The following VEGFC variants were observed in gnomAD, a reference collection of about 807,000 sequenced individuals.
VEGFC encodes vascular endothelial growth factor C, also known as FLT4 ligand DHM.
A neutral mutation model predicts 46.1 loss-of-function variants in VEGFC; 12 were observed. The observed-to-expected ratio is 0.26, with a 90% confidence interval of 0.17 to 0.42. VEGFC has a LOEUF of 0.42. VEGFC is among the 10% of genes least tolerant of loss of function. The pLI is 1.00. For missense variants in VEGFC, 488 were observed against 529.4 expected (o/e 0.92, Z 0.77); for synonymous variants, 232 against 195.5 (o/e 1.19, Z -1.56).
intron 3 of VEGFC, among the ~76,000 whole-genome samples, chr4:176,719,627 C>A (rs1158665304): frequency 6.6e-6 from 1 of 152,170 alleles, no homozygotes; most frequent in Non-Finnish European, 1.5e-5. Context: ...ATGTTGATTT[C>A]GCTTGCTAAT....
intron 4 of VEGFC, among the ~76,000 whole-genome samples, chr4:176,698,146 A>AAATAAT (rs972178905): frequency 6.7e-6 from 1 of 150,232 alleles, no homozygotes; most frequent in Non-Finnish European, 1.5e-5. Context: ...ATAAAAATAA[A>AAATAAT]AATAATAATA....
intron 1 of VEGFC, among the ~76,000 whole-genome samples, chr4:176,789,171 C>G (rs1248868029): frequency 1.3e-5 from 2 of 152,194 alleles, no homozygotes; most frequent in Non-Finnish European, 2.9e-5. Context: ...ATGGAGATAA[C>G]TAGGAGGCCA....
In VEGFC at chr4:176,744,864, T is replaced by C. The variant is rs74400324; in HGVS notation, c.148-15118A>G. Among the ~76,000 whole-genome samples, 351 of 152,206 alleles carry C rather than the reference T, an allele frequency of 2.3e-3. 12 individuals are homozygous for C. The East Asian group carries it at 0.056, about 24-fold the overall frequency. ...AGACTGACTCAAGCCCATATGCTTA[T>C]GATTTTTGCACTAATTACAAAGCCT... On this transcript the variant is annotated intron_variant, in intron 1 of 6. Coordinates refer to ENST00000618562, the MANE Select transcript of VEGFC (RefSeq NM_005429.5).
At chr4:176,738,675 T>C (rs1735096129) in intron 1 of VEGFC, among the ~76,000 whole-genome samples, 2 of 152,126 alleles carry the variant, frequency 1.3e-5, no homozygotes, top group East Asian at 1.9e-4. Context: ...CCAAAAGCGA[T>C]TGCAACAAAA....
rs1435159134 is a variant in VEGFC, at chr4:176,751,790, G to A, written c.148-22044C>T. ...TCAGAATATTGGTTAACTTGGTGGA[G>A]GAAGGGGAATGAGATTTCTGAAGGC... is the stretch of plus-strand genomic sequence containing the variant. On this transcript the variant is annotated intron_variant, in intron 1 of 6. Coordinates refer to ENST00000618562, the MANE Select transcript of VEGFC (RefSeq NM_005429.5). 1.3e-5 allele frequency among the ~76,000 whole-genome samples: 2 copies of A among 151,912 alleles called. 1 individual carries two copies. Among genetic ancestry groups the A allele is most frequent in the African/African-American group, 4.8e-5 (2 of 41,406 alleles).
intron 4 of VEGFC, among the ~76,000 whole-genome samples, chr4:176,689,061 T>C (rs1035261342): frequency 6.6e-6 from 1 of 152,210 alleles, no homozygotes; most frequent in African/African-American, 2.4e-5. Context: ...ATTTACAGGA[T>C]ATATATCAAC....
At chr4:176,728,146 G>C (rs1734904093) in intron 2 of VEGFC, among the ~76,000 whole-genome samples, 178 bp from the exon 3 acceptor site, 1 of 152,252 alleles carries the variant, frequency 6.6e-6, no homozygotes, top group South Asian at 2.1e-4. Context: ...ATATAACATT[G>C]AAAAGACAAG....
chr4:176,741,434 G>A (rs1421399483), intron 1 of VEGFC, among the ~76,000 whole-genome samples: 5 of 151,844 alleles, frequency 3.3e-5, no homozygotes, highest in Non-Finnish European at 7.4e-5. Flanking sequence ...CACTTAGGGG[G>A]TTGATTTATC....
Position 176,727,924 on chromosome 4 carries a change from C to T in VEGFC, c.406G>A (p.Val136Met), listed in dbSNP as rs1174327582. 1.2e-6 allele frequency: 2 copies of T among 1,613,134 alleles called. No homozygotes were observed. Among genetic ancestry groups the T allele is most frequent in the Admixed American group, 1.7e-5 (1 of 59,918 alleles). Residue 136 changes from valine (V) to methionine (M), a missense_variant, in exon 3 of 7, where the codon GTG becomes ATG. Val to Met is a conservative substitution (Grantham distance 21). Transcript: ENST00000618562. Reference sequence around the variant, plus strand: ...AACTCCTTCCCCACATCTATACACACCTCCCGTGGCATGCATTGAGTCTTT... The same window carrying T: ...AACTCCTTCCCCACATCTATACACATCTCCCGTGGCATGCATTGAGTCTTT... ...WRKTQCMPREVCIDVGKEFGV... is the reference protein window; with the variant it reads ...WRKTQCMPREMCIDVGKEFGV...
At chr4:176,765,409 G>C (rs1321878320) in intron 1 of VEGFC, among the ~76,000 whole-genome samples, 1 of 152,026 alleles carries the variant, frequency 6.6e-6, no homozygotes, top group Non-Finnish European at 1.5e-5. Flanking sequence ...TAAAGAAGTA[G>C]TTTTCTAGGA....
chr4:176,687,052 AT>A (rs1365658012), intron 6 of VEGFC, 134 bp downstream of exon 6: 10 of 1,026,074 alleles, frequency 9.7e-6, no homozygotes, highest in Admixed American at 2.7e-5. Context: ...GGTTAAAAAA[AT>A]ATAAGATTTT....
intron 1 of VEGFC, among the ~76,000 whole-genome samples, chr4:176,779,723 A>G (rs1235133716): frequency 3.2e-5 from 2 of 63,096 alleles, no homozygotes; most frequent in African/African-American, 5.3e-5. Context: ...TCAGTGCGAA[A>G]GCAAAGCCCC....
chr4:176,715,834 T>C (rs551337903), intron 3 of VEGFC, among the ~76,000 whole-genome samples: 21 of 152,158 alleles, frequency 1.4e-4, no homozygotes, highest in Non-Finnish European at 1.5e-5. Flanking sequence ...CCAAAATAAA[T>C]ACATAACATT....
At chr4:176,723,822 T>C (rs1366542440) in intron 3 of VEGFC, among the ~76,000 whole-genome samples, 3 of 148,656 alleles carry the variant, frequency 2.0e-5, no homozygotes, top group East Asian at 2.0e-4. Flanking sequence ...ACATAAACTT[T>C]TATTTTAGGT....
intron 1 of VEGFC, among the ~76,000 whole-genome samples, chr4:176,779,429 T>C (rs1735869916): frequency 1.3e-5 from 2 of 152,164 alleles, no homozygotes; most frequent in Admixed American, 1.3e-4. Context: ...TTTAAAATGT[T>C]TTAATTGCAA....
intron 1 of VEGFC, among the ~76,000 whole-genome samples, chr4:176,761,796 T>G (rs1736126720): frequency 6.6e-6 from 1 of 152,134 alleles, no homozygotes; most frequent in South Asian, 2.1e-4. Flanking sequence ...AAGGAAGTGC[T>G]TTCAGGCAGA....
In VEGFC at chr4:176,747,392, A is replaced by T. The variant is rs530423562; in HGVS notation, c.148-17646T>A. Among the ~76,000 whole-genome samples the T allele has an allele frequency of 8.5e-5, 13 of 152,090 alleles. No homozygotes were observed. The Middle Eastern group carries it at 0.017, about 200-fold the overall frequency. On this transcript the variant is annotated intron_variant, in intron 1 of 6. Coordinates refer to ENST00000618562, the MANE Select transcript of VEGFC (RefSeq NM_005429.5). ...AATTAGATAAAAACAAATCCCTTTT[A>T]AAAAAAAGAAATAGCACAGTCTTTA... is the stretch of plus-strand genomic sequence containing the variant.
At chr4:176,729,844 G>A (rs145169482) in intron 1 of VEGFC, 98 bp from the exon 2 acceptor site, 297 of 728,636 alleles carry the variant, frequency 4.1e-4, no homozygotes, top group African/African-American at 3.9e-3. Context: ...TCTATGCTCC[G>A]TTCCCTAACA....
chr4:176,723,645 A>G (rs1012553719), intron 3 of VEGFC, among the ~76,000 whole-genome samples: 1 of 150,040 alleles, frequency 6.7e-6, no homozygotes, highest in African/African-American at 2.5e-5. Flanking sequence ...GATTTGTGAC[A>G]TAGGTAAACT....
Sources: gnomAD v4.1 joint callset for allele counts (sites outside exome capture counted in the v4.1 genomes callset) on GRCh38, gnomAD v4.1.1 for gene constraint, MANE v1.5 for transcripts, NCBI Gene and HGNC (gene_info 2026-07-23, HGNC 2026-07-21) for gene names.